The following SNRNP200 variants were observed in gnomAD, a reference collection of about 807,000 sequenced individuals.
SNRNP200 encodes the protein U5 small nuclear ribonucleoprotein 200 kDa helicase.
SNRNP200 carries 66 observed loss-of-function variants against 255.2 expected under a neutral mutation model. The ratio of observed to expected loss-of-function variants is 0.26; its 90% CI spans 0.21 to 0.32. The LOEUF is 0.32. Among genes scored for constraint, SNRNP200 ranks in the 10% least tolerant of loss-of-function variants. SNRNP200 has a pLI of 1.00. For missense variants in SNRNP200, 1,585 were observed against 2,749.8 expected (o/e 0.58, Z 9.47); for synonymous variants, 939 against 1,027.8 (o/e 0.91, Z 1.65).
At chr2:96,289,721 G>T in intron 21 of SNRNP200, 78 bp downstream of exon 21, 1 of 1,308,292 alleles carries the variant, frequency 7.6e-7, no homozygotes, top group Non-Finnish European at 1.1e-6. Flanking sequence ...CTCACATCAA[G>T]AGAGCAATCT....
intron 13 of SNRNP200, 54 bp downstream of exon 13, chr2:96,296,482 A>G: frequency 6.3e-7 from 1 of 1,594,688 alleles, no homozygotes. Flanking sequence ...GCCTGTCCAC[A>G]ACACTTTCAT....
rs1684682962 is a variant in SNRNP200 at position 96,277,231 on chromosome 2, C to T, written c.5942G>A (p.Ser1981Asn). ...CTCCATCTCCATGATGTCGAAAACA[C>T]TCTCCACTCCCTGCAGTGAGTATTC... is the stretch of plus-strand genomic sequence containing the variant. ...IKRCTDKGVE[S>N]VFDIMEMEDE... is the part of the protein sequence containing the mutation. Residue 1981 changes from serine to asparagine, a missense_variant, in exon 42 of 45, where the codon AGT becomes AAT. By Grantham distance (46) the Ser-to-Asn change is conservative. Around this residue, in one of 9 missense-constraint regions of SNRNP200, gnomAD observed 279 missense variants for 551.2 expected, o/e 0.51. Coordinates refer to ENST00000323853, the MANE Select transcript of SNRNP200 (RefSeq NM_014014.5). This position sits in a 1 kb window ranked among gnomAD's most constrained non-coding sequence, Gnocchi z 4.4. 4 of 1,614,048 alleles carry T rather than the reference C, an allele frequency of 2.5e-6. 1 individual carries two copies. In the South Asian group the frequency reaches 3.3e-5, roughly 13 times the overall value.
At chr2:96,302,738 G>A (rs1558772840) in intron 3 of SNRNP200, among the ~76,000 whole-genome samples, 1 of 152,134 alleles carries the variant, frequency 6.6e-6, no homozygotes, top group African/African-American at 2.4e-5. Context: ...CCCCTTTTGG[G>A]GTTCAACTAA....
rs1204497420 is a variant in SNRNP200, at chr2:96,278,641, C to T, written c.5394G>A (p.Gln1798=). Residue 1798 remains glutamine (Q), a synonymous_variant, in exon 38 of 45, where the codon CAG becomes CAA. Coordinates refer to ENST00000323853, the MANE Select transcript of SNRNP200 (RefSeq NM_014014.5). The surrounding 1 kb of genome is among the most constrained non-coding windows in gnomAD (Gnocchi z 6.9). ...CGTCCTCGATGCTGATGCACTTGGACTGCTCCAGGTCACTCAGGGTCTGCT... is the reference window on the plus strand; with the variant it reads ...CGTCCTCGATGCTGATGCACTTGGATTGCTCCAGGTCACTCAGGGTCTGCT... ...LVEQTLSDLE[Q]SKCISIEDEM... is the part of the protein sequence containing the mutation. The T allele has an allele frequency of 6.2e-7, 1 of 1,614,124 alleles. No individual in the cohort carries two copies.
intron 30 of SNRNP200, 87 bp from the exon 31 acceptor site, chr2:96,284,672 G>A (rs1257502817): frequency 3.5e-6 from 3 of 861,922 alleles, no homozygotes; most frequent in Middle Eastern, 2.4e-4. Context: ...ATGCCAAACA[G>A]ACCTGTTGAC....
chr2:96,301,625 T>C lies in SNRNP200; in HGVS notation c.473A>G (p.Asp158Gly). ...ATCATCTGTTTGACCCAGCAGCAGG[T>C]CAATCTCCTTTCGCCTTTCCTTGTC... Reference protein sequence around the residue: ...LRDKERRKEIDLLLGQTDDTR... With the variant: ...LRDKERRKEIGLLLGQTDDTR... Residue 158 changes from aspartate (D) to glycine (G), a missense_variant, in exon 4 of 45, where the codon GAC (aspartate) becomes GGC (glycine). Physicochemically the swap from Asp to Gly is moderately conservative, Grantham distance 94. This residue lies in a region of SNRNP200 where 383 missense variants were observed against 645.3 expected (regional missense o/e 0.59). Transcript: ENST00000323853. The C allele has an allele frequency of 6.2e-7, 1 of 1,614,196 alleles. No individual in the cohort carries two copies. Among genetic ancestry groups the C allele is most frequent in the Non-Finnish European group, 8.5e-7 (1 of 1,180,032 alleles).
rs1558765296 is a variant in SNRNP200, at chr2:96,283,906, G to C, written c.4491C>G (p.Ala1497=). Residue 1497 remains alanine (A), a synonymous_variant, in exon 32 of 45, where the codon GCC becomes GCG. Coordinates refer to ENST00000323853, the MANE Select transcript of SNRNP200 (RefSeq NM_014014.5). This position sits in a 1 kb window ranked among gnomAD's most constrained non-coding sequence, Gnocchi z 4.7. ...AGCCCAGCCAGTGGGCCACATCCTT[G>C]GCATTGGAGAGCGAAGAGCTGAGTG... ...IVALSSSLSN[A]KDVAHWLGCS... The C allele has an allele frequency of 1.9e-6, 3 of 1,598,002 alleles. No homozygotes were observed. The highest frequency in any genetic ancestry group is 2.6e-6 in the Non-Finnish European group (3 of 1,172,308).
Position 96,278,515 on chromosome 2 carries a change from A to G in SNRNP200, c.5488+32T>C. ...TCCTGACCCGTGTAAAAAGGCTCCC[A>G]CAGACAGGACACGGGCCATGCCGGG... On this transcript the variant is annotated intron_variant, in intron 38 of 44. Transcript: ENST00000323853. This position sits in a 1 kb window ranked among gnomAD's most constrained non-coding sequence, Gnocchi z 6.9. The G allele has an allele frequency of 6.2e-7, 1 of 1,613,134 alleles. No individual in the cohort carries two copies. The highest frequency in any genetic ancestry group is 8.5e-7 in the Non-Finnish European group (1 of 1,180,020).
chr2:96,298,565 T>C (rs201037958), intron 8 of SNRNP200, 38 bp downstream of exon 8: 120 of 1,604,540 alleles, frequency 7.5e-5, no homozygotes, highest in Non-Finnish European at 9.3e-5. Flanking sequence ...TGCACACATA[T>C]GTACTCACTC....
intron 4 of SNRNP200, 91 bp downstream of exon 4, chr2:96,301,433 T>A: frequency 7.5e-7 from 1 of 1,334,252 alleles, no homozygotes; most frequent in Non-Finnish European, 1.1e-6. Context: ...TCACTGACAT[T>A]AAGGTTTTTA....
At chr2:96,288,248 A>C (rs908869795) in intron 24 of SNRNP200, among the ~76,000 whole-genome samples, 1 of 152,236 alleles carries the variant, frequency 6.6e-6, no homozygotes, top group Non-Finnish European at 1.5e-5. Context: ...TTTAGCATTT[A>C]GAGTTCTAGG....
Position 96,287,810 on chromosome 2 carries a change from G to T in SNRNP200, c.3365+53C>A. 2 of 1,482,686 alleles carry T rather than the reference G, an allele frequency of 1.3e-6. No homozygotes were observed. The highest frequency in any genetic ancestry group is 1.9e-6 in the Non-Finnish European group (2 of 1,060,194). 91.8% of individuals were successfully genotyped at this position (1,482,686 alleles called of 1,614,324 possible). A position where few individuals can be genotyped will look rare whatever the true frequency, so the allele number is the denominator to read the frequency against. On this transcript the variant is annotated intron_variant, in intron 25 of 44. Transcript: ENST00000323853. This position sits in a 1 kb window ranked among gnomAD's most constrained non-coding sequence, Gnocchi z 5.7. ...CCTGAGGCTTTCCCATCAGACCCTT[G>T]GGTTGGGGACCCCCACTCATGGTGA...
In SNRNP200 at chr2:96,278,085, G is replaced by T; in HGVS notation, c.5611-135C>A. The stretch of plus-strand genomic sequence containing the variant: ...GGCATGTGGGTGGTAATGGGATGGA[G>T]ATGGGTTTGAGGGAGGTATGGAGCG... On this transcript the variant is annotated intron_variant, in intron 39 of 44. Transcript: ENST00000323853. This position sits in a 1 kb window ranked among gnomAD's most constrained non-coding sequence, Gnocchi z 6.9. 6.5e-7 allele frequency: 1 copy of T among 1,528,258 alleles called. No individual in the cohort carries two copies. The highest frequency in any genetic ancestry group is 9.0e-7 in the Non-Finnish European group (1 of 1,105,068). 94.7% of individuals were successfully genotyped at this position (1,528,258 alleles called of 1,614,324 possible).
At position 96,274,657 on chromosome 2, in the gene SNRNP200, T is replaced by G; in HGVS notation, c.*355A>C. ...AACAAGCACGTTCCTGGCTAAAAAA[T>G]AACCAGATCTTTTTGGCCGTGCCCT... On this transcript the variant is annotated 3_prime_UTR_variant, in exon 45 of 45. Transcript: ENST00000323853. 2.8e-6 allele frequency: 1 copy of G among 357,972 alleles called. No individual in the cohort carries two copies. The highest frequency in any genetic ancestry group is 5.4e-6 in the Non-Finnish European group (1 of 185,938). The allele number at this position is 357,972 out of a possible 1,614,324, so 22.2% of individuals were successfully genotyped here.
At chr2:96,296,495 G>T in intron 13 of SNRNP200, 41 bp downstream of exon 13, 1 of 1,607,920 alleles carries the variant, frequency 6.2e-7, no homozygotes, top group South Asian at 1.1e-5. Flanking sequence ...ACTTTCATAG[G>T]TGCACCCAGT....
At chr2:96,304,647 T>TTA in intron 2 of SNRNP200, 58 bp downstream of exon 2, 1 of 1,607,568 alleles carries the variant, frequency 6.2e-7, no homozygotes, top group South Asian at 1.1e-5. Context: ...GCTGCTCGAA[T>TTA]GTTAAAGGGA....
At position 96,305,458 on chromosome 2, in the gene SNRNP200, T is replaced by C; in HGVS notation, c.-21A>G. The stretch of plus-strand genomic sequence containing the variant: ...GCCATGGCCGCGGCTGCTCGGAGGC[T>C]TCAGACCACCACGCCTCCCTACCGC... On this transcript the variant is annotated 5_prime_UTR_variant, in exon 1 of 45. Transcript: ENST00000323853. 6.2e-7 allele frequency: 1 copy of C among 1,613,868 alleles called. No homozygotes were observed. Among genetic ancestry groups the C allele is most frequent in the East Asian group, 2.2e-5 (1 of 44,874 alleles).
chr2:96,275,093 A>G lies in SNRNP200; in HGVS notation c.6330T>C (p.Ser2110=). 3 of 1,614,254 alleles carry G rather than the reference A, an allele frequency of 1.9e-6. No homozygotes were observed. The highest frequency in any genetic ancestry group is 2.5e-6 in the Non-Finnish European group (3 of 1,180,036). Residue 2110 remains serine, a synonymous_variant, in exon 45 of 45, where the codon AGT becomes AGC. Coordinates refer to ENST00000323853, the MANE Select transcript of SNRNP200 (RefSeq NM_014014.5). ...GAHNYTLYFM[S]DAYMGCDQEY... is the part of the protein sequence containing the mutation. ...CCTGGTCACATCCCATGTAAGCGTCACTCATGAAGTACAGAGTGTAGTTGT... is the reference window on the plus strand; with the variant it reads ...CCTGGTCACATCCCATGTAAGCGTCGCTCATGAAGTACAGAGTGTAGTTGT...
intron 4 of SNRNP200, 126 bp from the exon 5 acceptor site, chr2:96,301,179 T>A: frequency 1.2e-6 from 1 of 819,324 alleles, no homozygotes; most frequent in Admixed American, 1.9e-5. Context: ...CACATACAGA[T>A]ACTTAGATGA....
Sources: gnomAD v4.1 joint callset for allele counts (sites outside exome capture counted in the v4.1 genomes callset) on GRCh38, gnomAD v4.1.1 for gene constraint, gnomAD v4.1.1 regional missense constraint, Gnocchi (gnomAD v3.1) non-coding constraint, MANE v1.5 for transcripts, NCBI Gene and HGNC (gene_info 2026-07-23, HGNC 2026-07-21) for gene names.